The following RASSF6 variants were observed in gnomAD, a reference collection of about 807,000 sequenced individuals.
The protein encoded by RASSF6 is ras association domain-containing protein 6.
RASSF6 carries 52 observed loss-of-function variants against 44.0 expected under a neutral mutation model. The ratio of observed to expected loss-of-function variants is 1.18; its 90% CI spans 0.95 to 1.49. The LOEUF (loss-of-function observed/expected upper bound fraction) is 1.49. Ranked by LOEUF, RASSF6 falls within the 40% of genes most tolerant of loss-of-function variation. The pLI is 0.00. For missense variants in RASSF6, 464 were observed against 393.3 expected, an observed-to-expected ratio of 1.18 and a Z score of -1.52; for synonymous variants, 162 against 124.6, an observed-to-expected ratio of 1.30 and a Z score of -2.00.
chr4:73,595,583 A>T (rs886588923), intron 3 of RASSF6, among the ~76,000 whole-genome samples: 1 of 152,200 alleles, frequency 6.6e-6, no homozygotes, highest in Non-Finnish European at 1.5e-5. Flanking sequence ...TAACACAAAA[A>T]CTCAAATATT....
rs529336998 is a variant in RASSF6 at position 73,577,248 on chromosome 4, C to T, written c.722-517G>A. Among the ~76,000 whole-genome samples, 182 of 152,172 alleles carry T rather than the reference C, an allele frequency of 1.2e-3. 1 individual carries two copies. Among genetic ancestry groups the T allele is most frequent in the African/African-American group, 4.2e-3 (176 of 41,498 alleles). The stretch of plus-strand genomic sequence containing the variant: ...AATAATATTCTTATTATTCATTCAT[C>T]TGGGCTTAATCCATTCAGCCATGAA... On this transcript the variant is annotated intron_variant, in intron 8 of 10. Coordinates refer to ENST00000307439, the MANE Select transcript of RASSF6 (RefSeq NM_177532.5).
chr4:73,599,897 C>T (rs570867381), intron 2 of RASSF6, among the ~76,000 whole-genome samples: 2 of 152,148 alleles, frequency 1.3e-5, no homozygotes, highest in Non-Finnish European at 2.9e-5. Context: ...CCACCCTTCC[C>T]TCACTTCATG....
chr4:73,603,809 C>G (rs1266764630), intron 2 of RASSF6, among the ~76,000 whole-genome samples: 1 of 152,094 alleles, frequency 6.6e-6, no homozygotes, highest in Non-Finnish European at 1.5e-5. Context: ...TGTCTGATAT[C>G]CATAGATAGA....
chr4:73,593,408 A>G, intron 4 of RASSF6, 43 bp downstream of exon 4: 1 of 1,565,656 alleles, frequency 6.4e-7, no homozygotes, highest in Non-Finnish European at 8.7e-7. Flanking sequence ...ACTAGATATG[A>G]AGATCATCTT....
intron 2 of RASSF6, among the ~76,000 whole-genome samples, chr4:73,603,251 C>T (rs1725401252): frequency 6.6e-6 from 1 of 152,110 alleles, no homozygotes; most frequent in Non-Finnish European, 1.5e-5. Context: ...CATCATCAAA[C>T]ACTATATAAG....
At chr4:73,588,257 T>C (rs887434256) in intron 4 of RASSF6, among the ~76,000 whole-genome samples, 1 of 152,084 alleles carries the variant, frequency 6.6e-6, no homozygotes, top group African/African-American at 2.4e-5. Flanking sequence ...TCAATTGTTA[T>C]AAAGATATTT....
At chr4:73,611,628 T>A (rs771015122) in intron 2 of RASSF6, 103 bp downstream of exon 2, 5 of 649,102 alleles carry the variant, frequency 7.7e-6, no homozygotes, top group Non-Finnish European at 1.1e-5. Context: ...ATGATTCATA[T>A]TATTGATCTT....
At chr4:73,600,801 A>G (rs1432126501) in intron 2 of RASSF6, among the ~76,000 whole-genome samples, 2 of 152,180 alleles carry the variant, frequency 1.3e-5, no homozygotes, top group Non-Finnish European at 2.9e-5. Flanking sequence ...TTTAATGTTA[A>G]TGAACATGTC....
rs879850018 is a variant in RASSF6 at position 73,571,890 on chromosome 4, T to G, written c.*4345A>C. 1.3e-5 allele frequency: 2 copies of G among 152,210 alleles called. No homozygotes were observed. The highest frequency in any genetic ancestry group is 2.9e-5 in the Non-Finnish European group (2 of 68,038). 9.4% of individuals were successfully genotyped at this position (152,210 alleles called of 1,614,324 possible). A position where few individuals can be genotyped will look rare whatever the true frequency, so the allele number is the denominator to read the frequency against. On this transcript the variant is annotated 3_prime_UTR_variant, in exon 11 of 11. Coordinates refer to ENST00000307439, the MANE Select transcript of RASSF6 (RefSeq NM_177532.5). ...AAATTATTCTGTGACAAGTTTATAT[T>G]CTTGCATTATGCAAAAATGATTCGA...
At chr4:73,589,062 C>G (rs1724325429) in intron 4 of RASSF6, among the ~76,000 whole-genome samples, 2 of 152,056 alleles carry the variant, frequency 1.3e-5, no homozygotes, top group Non-Finnish European at 2.9e-5. Flanking sequence ...AGAAAGTCAT[C>G]CCTTATCCTC....
At position 73,615,788 on chromosome 4, in the gene RASSF6, A is replaced by G. The variant is rs1726316115; in HGVS notation, c.-34-3959T>C. 3.4e-6 allele frequency: 3 copies of G among 882,508 alleles called. No individual in the cohort carries two copies. The South Asian group carries it at 4.4e-5, about 13-fold the overall frequency. The allele number at this position is 882,508 out of a possible 1,614,324, so 54.7% of individuals were successfully genotyped here. On this transcript the variant is annotated intron_variant, in intron 1 of 10. Transcript: ENST00000307439. ...GCCAATGAGATCTGGATGGAGCCTG[A>G]GGAGGCAGTGTTGGGCAGCATTAGC...
chr4:73,579,120 T>C (rs943201606), intron 8 of RASSF6, among the ~76,000 whole-genome samples: 14 of 152,350 alleles, frequency 9.2e-5, no homozygotes, highest in African/African-American at 3.1e-4. Context: ...AAATATATTA[T>C]GGAACTCCCT....
intron 1 of RASSF6, among the ~76,000 whole-genome samples, chr4:73,618,317 C>CTATCTATCTATCTATCTATCTATCTATT (rs1367428906): frequency 3.0e-4 from 45 of 152,146 alleles, no homozygotes; most frequent in Non-Finnish European, 5.6e-4. Context: ...ATCTATCTAT[C>CTATCTATCTATCTATCTATCTATCTATT]TATCTAAACA....
chr4:73,612,474 G>GTTTTT (rs1553905954), intron 1 of RASSF6, among the ~76,000 whole-genome samples: 1 of 131,660 alleles, frequency 7.6e-6, no homozygotes, highest in East Asian at 2.7e-4. Flanking sequence ...AGAGAGTTCA[G>GTTTTT]TTTTCTTTTT....
intron 2 of RASSF6, among the ~76,000 whole-genome samples, chr4:73,601,432 T>C (rs139246116): frequency 7.6e-4 from 116 of 152,378 alleles, no homozygotes; most frequent in African/African-American, 2.6e-3. Flanking sequence ...TCTTCCAATC[T>C]GTAATCCACT....
At position 73,572,809 on chromosome 4, in the gene RASSF6, G is replaced by A. The variant is rs1722984519; in HGVS notation, c.*3426C>T. 1 of 151,960 alleles carries A rather than the reference G, an allele frequency of 6.6e-6. No homozygotes were observed. The highest frequency in any genetic ancestry group is 6.6e-5 in the Admixed American group (1 of 15,246). 9.4% of individuals were successfully genotyped at this position (151,960 alleles called of 1,614,324 possible). A position where few individuals can be genotyped will look rare whatever the true frequency, so the allele number is the denominator to read the frequency against. On this transcript the variant is annotated 3_prime_UTR_variant, in exon 11 of 11. Coordinates refer to ENST00000307439, the MANE Select transcript of RASSF6 (RefSeq NM_177532.5). ...TAAAAAGTAACAAATATAAACTATA[G>A]AACACTTAATACAGATAGGGAAGTT...
At chr4:73,604,666 A>C (rs758826920) in intron 2 of RASSF6, 5 of 152,168 alleles carry the variant, frequency 3.3e-5, no homozygotes, top group Non-Finnish European at 7.4e-5. Flanking sequence ...CACGATATTA[A>C]ATTTTAGCAG....
intron 8 of RASSF6, among the ~76,000 whole-genome samples, chr4:73,581,058 A>G (rs1302540435): frequency 2.0e-5 from 3 of 151,168 alleles, no homozygotes; most frequent in Non-Finnish European, 4.4e-5. Flanking sequence ...AATTATAAGA[A>G]CTTTAATTTT....
In RASSF6 at chr4:73,572,718, T is replaced by G. The variant is rs1722980270; in HGVS notation, c.*3517A>C. The G allele has an allele frequency of 6.6e-6, 1 of 152,190 alleles. No individual in the cohort carries two copies. Among genetic ancestry groups the G allele is most frequent in the East Asian group, 1.9e-4 (1 of 5,202 alleles). The allele number at this position is 152,190 out of a possible 1,614,324, so 9.4% of individuals were successfully genotyped here. A position where few individuals can be genotyped will look rare whatever the true frequency, so the allele number is the denominator to read the frequency against. On this transcript the variant is annotated 3_prime_UTR_variant, in exon 11 of 11. Transcript: ENST00000307439. The stretch of plus-strand genomic sequence containing the variant: ...ATTTTTTGCATTTGGTAGAACTCTG[T>G]GCTTGCATGTGCTTGTTACTTTTTT...
Sources: allele counts gnomAD v4.1 joint callset (sites outside exome capture counted in the v4.1 genomes callset), GRCh38; gene constraint gnomAD v4.1.1; transcripts MANE v1.5; gene names NCBI Gene and HGNC (gene_info 2026-07-23, HGNC 2026-07-21).